GNS: variants seen among roughly 807,000 people sequenced by gnomAD.
GNS encodes N-acetylglucosamine-6-sulfatase.
A neutral mutation model predicts 69.7 loss-of-function variants in GNS; 40 were observed. The ratio of observed to expected loss-of-function variants is 0.57; its 90% CI spans 0.45 to 0.75. GNS has a LOEUF of 0.75. Ranked by LOEUF, GNS falls within the 30% of genes least tolerant of loss-of-function variation. The probability of loss-of-function intolerance (pLI) is 0.00; values close to 1 mark genes in which losing one functional copy is unlikely to be tolerated. For missense variants in GNS, 565 were observed against 685.5 expected, an observed-to-expected ratio of 0.82 and a Z score of 1.96; for synonymous variants, 243 against 251.6, an observed-to-expected ratio of 0.97 and a Z score of 0.32.
At chr12:64,733,111 C>CA (rs1869455993) in intron 9 of GNS, among the ~76,000 whole-genome samples, 1 of 151,350 alleles carries the variant, frequency 6.6e-6, no homozygotes, top group Non-Finnish European at 1.5e-5. Context: ...CCCGTCTCTA[C>CA]AAAAACAAAC....
At position 64,715,569 on chromosome 12, in the gene GNS, A is replaced by C. The variant is rs766578909; in HGVS notation, c.*1172T>G. The C allele has an allele frequency of 9.7e-5, 15 of 154,478 alleles. No homozygotes were observed. Among genetic ancestry groups the C allele is most frequent in the Middle Eastern group, 5.2e-4 (1 of 1,926 alleles). The allele number at this position is 154,478 out of a possible 1,614,324, so 9.6% of individuals were successfully genotyped here. A position where few individuals can be genotyped will look rare whatever the true frequency, so the allele number is the denominator to read the frequency against. The stretch of plus-strand genomic sequence containing the variant: ...GTGTTCTCAACAGTGAAGAAACCTG[A>C]ATAGATTTGATTTTGACAGGGGAAT... On this transcript the variant is annotated 3_prime_UTR_variant, in exon 14 of 14. Coordinates refer to ENST00000258145, the MANE Select transcript of GNS (RefSeq NM_002076.4).
chr12:64,756,878 G>C, intron 1 of GNS: 1 of 606,802 alleles, frequency 1.6e-6, no homozygotes, highest in Non-Finnish European at 2.9e-6. Flanking sequence ...AATCTGGGCC[G>C]AGACAGTGGC....
At position 64,716,816 on chromosome 12, in the gene GNS, G is replaced by GT; in HGVS notation, c.1583dup (p.Tyr528Ter). The GT allele has an allele frequency of 1.2e-6, 2 of 1,608,150 alleles. No homozygotes were observed. Among genetic ancestry groups the GT allele is most frequent in the Non-Finnish European group, 1.7e-6 (2 of 1,174,598 alleles). Residue 528 changes from tyrosine (Y) to a stop codon, truncating the protein, a stop_gained and frameshift_variant, in exon 14 of 14, where the codon TAC (tyrosine) becomes TAAC (stop). Transcript: ENST00000258145. LOFTEE classifies it high-confidence loss of function. ...CRTPGVFDPG[Y>*]RFDPRLMFSN... ...TGAACATGAGACGGGGGTCAAACCT[G>GT]TATCTGGGGAGGAAAAACCAAATGT...
At chr12:64,738,439 T>C (rs1307795929) in intron 8 of GNS, among the ~76,000 whole-genome samples, 2 of 152,162 alleles carry the variant, frequency 1.3e-5, no homozygotes, top group African/African-American at 4.8e-5. Flanking sequence ...GTAGGAAGAA[T>C]TCAAAAGACT....
intron 9 of GNS, among the ~76,000 whole-genome samples, chr12:64,733,881 G>GTTTTTTA (rs1869480446): frequency 6.6e-6 from 1 of 152,132 alleles, no homozygotes; most frequent in Admixed American, 6.6e-5. Context: ...CTAGTCAGAG[G>GTTTTTTA]AGAAAACGTC....
Position 64,745,746 on chromosome 12 carries a change from GACAATT to G in GNS, c.460-28_460-23del, listed in dbSNP as rs747766219. 8 of 1,495,712 alleles carry G rather than the reference GACAATT, an allele frequency of 5.3e-6. No individual in the cohort carries two copies. In the South Asian group the frequency reaches 9.0e-5, roughly 17 times the overall value. 92.7% of individuals were successfully genotyped at this position (1,495,712 alleles called of 1,614,324 possible). A position where few individuals can be genotyped will look rare whatever the true frequency, so the allele number is the denominator to read the frequency against. On this transcript the variant is annotated intron_variant, in intron 3 of 13. Transcript: ENST00000258145. The stretch of plus-strand genomic sequence containing the variant: ...CGTACTGAAAAGCAAAACAAGTAGG[GACAATT>G]ACAAGTCCTTAGATATGACCAGACC...
intron 10 of GNS, among the ~76,000 whole-genome samples, chr12:64,725,359 G>A (rs1043618404): frequency 6.6e-6 from 1 of 152,174 alleles, no homozygotes; most frequent in African/African-American, 2.4e-5. Flanking sequence ...AGAAACGGGG[G>A]TGCGCTAGAT....
At chr12:64,717,518 A>ATT (rs57088346) in intron 13 of GNS, among the ~76,000 whole-genome samples, 175 of 131,406 alleles carry the variant, frequency 1.3e-3, no homozygotes, top group African/African-American at 3.4e-3. Flanking sequence ...CACCTGGCTA[A>ATT]TTTTTTTTTT....
intron 6 of GNS, among the ~76,000 whole-genome samples, chr12:64,742,257 T>A (rs1045965417): frequency 6.6e-6 from 1 of 152,214 alleles, no homozygotes; most frequent in African/African-American, 2.4e-5. Context: ...CCTGACCTCG[T>A]GATTCGCCCG....
intron 1 of GNS, among the ~76,000 whole-genome samples, chr12:64,757,518 C>T (rs1467576760): frequency 6.6e-6 from 1 of 151,984 alleles, no homozygotes; most frequent in Non-Finnish European, 1.5e-5. Flanking sequence ...AAATTAAGAC[C>T]AATGTCAACA....
intron 13 of GNS, among the ~76,000 whole-genome samples, chr12:64,717,610 G>A (rs867095752): frequency 1.4e-5 from 2 of 147,408 alleles, no homozygotes; most frequent in Non-Finnish European, 3.0e-5. Flanking sequence ...TGATCTGCCC[G>A]CCTTGGTCTC....
intron 1 of GNS, among the ~76,000 whole-genome samples, chr12:64,757,942 C>G (rs953623967): frequency 6.6e-6 from 1 of 152,142 alleles, no homozygotes; most frequent in African/African-American, 2.4e-5. Context: ...AGAACTGAAA[C>G]GAAGAAAGCA....
intron 11 of GNS, among the ~76,000 whole-genome samples, chr12:64,722,048 G>T (rs1382779313): frequency 1.3e-5 from 2 of 151,204 alleles, no homozygotes; most frequent in Admixed American, 6.6e-5. Flanking sequence ...TTTTGCGATG[G>T]AGTTTTGCTC....
At chr12:64,739,700 G>A (rs1869671541) in intron 7 of GNS, among the ~76,000 whole-genome samples, 1 of 148,472 alleles carries the variant, frequency 6.7e-6, no homozygotes, top group South Asian at 2.1e-4. Flanking sequence ...CCATTCCCTA[G>A]ACCTTCCCAT....
intron 7 of GNS, among the ~76,000 whole-genome samples, chr12:64,740,067 A>C (rs1241221613): frequency 1.3e-5 from 2 of 152,236 alleles, no homozygotes; most frequent in East Asian, 3.8e-4. Flanking sequence ...ACAACAGCAG[A>C]GCTGAGTAGT....
intron 9 of GNS, among the ~76,000 whole-genome samples, chr12:64,731,546 G>A (rs1427650758): frequency 1.3e-5 from 2 of 152,152 alleles, no homozygotes; most frequent in African/African-American, 2.4e-5. Flanking sequence ...TGGATAAAAT[G>A]TCTCCTCTTC....
chr12:64,724,359 G>T (rs935399089), intron 10 of GNS, among the ~76,000 whole-genome samples: 10 of 152,222 alleles, frequency 6.6e-5, no homozygotes, highest in African/African-American at 2.2e-4. Flanking sequence ...ATGCCTGTTT[G>T]AGAATCACTG....
chr12:64,716,684 A>G lies in GNS; in HGVS notation c.*57T>C, dbSNP rs1868866996. The G allele has an allele frequency of 5.6e-6, 6 of 1,074,992 alleles. No homozygotes were observed. Among genetic ancestry groups the G allele is most frequent in the East Asian group, 4.7e-5 (2 of 42,500 alleles). The allele number at this position is 1,074,992 out of a possible 1,614,324, so 66.6% of individuals were successfully genotyped here. ...AGACTAGCTACAGACACCTACTACA[A>G]TCACTTCATCAGAAAGAGGCGTGCA... On this transcript the variant is annotated 3_prime_UTR_variant, in exon 14 of 14. Transcript: ENST00000258145.
rs1328084516 is a variant in GNS, at chr12:64,713,927, T to A, written c.*2814A>T. On this transcript the variant is annotated 3_prime_UTR_variant, in exon 14 of 14. Coordinates refer to ENST00000258145, the MANE Select transcript of GNS (RefSeq NM_002076.4). ...AAGGTGGATCACCTGAGGTCAGGAG[T>A]TAATCAGCCTGGCCAACATGGTGAA... 1 of 151,800 alleles carries A rather than the reference T, an allele frequency of 6.6e-6. No homozygotes were observed. Among genetic ancestry groups the A allele is most frequent in the Non-Finnish European group, 1.5e-5 (1 of 67,944 alleles). 9.4% of individuals were successfully genotyped at this position (151,800 alleles called of 1,614,324 possible).
Sources: gnomAD v4.1 joint callset for allele counts (sites outside exome capture counted in the v4.1 genomes callset) on GRCh38, gnomAD v4.1.1 for gene constraint, MANE v1.5 for transcripts, NCBI Gene and HGNC (gene_info 2026-07-23, HGNC 2026-07-21) for gene names.